CTDP1: variants seen among roughly 807,000 people sequenced by gnomAD.
CTDP1 encodes CTD phosphatase 1.
A neutral mutation model predicts 91.8 loss-of-function variants in CTDP1; 47 were observed. The ratio of observed to expected loss-of-function variants is 0.51; its 90% CI spans 0.41 to 0.65. CTDP1 has a LOEUF of 0.65. Ranked by LOEUF, CTDP1 falls within the 30% of genes least tolerant of loss-of-function variation. CTDP1 has a pLI of 0.00. For missense variants in CTDP1, 1,272 were observed against 1,373.7 expected (o/e 0.93, Z 1.17); for synonymous variants, 656 against 598.5 (o/e 1.10, Z -1.40).
At chr18:79,746,366 A>ACCCTGCGTCCCTCCTG (rs1568220058) in intron 12 of CTDP1, among the ~76,000 whole-genome samples, 1 of 101,890 alleles carries the variant, frequency 9.8e-6, no homozygotes, top group East Asian at 3.0e-4. Flanking sequence ...CGTCCCTCCC[A>ACCCTGCGTCCCTCCTG]TGCGCGTTCT....
intron 6 of CTDP1, among the ~76,000 whole-genome samples, chr18:79,711,747 C>T (rs959067332): frequency 1.3e-5 from 2 of 152,256 alleles, no homozygotes; most frequent in Non-Finnish European, 2.9e-5. Flanking sequence ...AGCTCCAGAG[C>T]CCCTTCCTGT....
chr18:79,725,895 C>T (rs1409256807), intron 10 of CTDP1, among the ~76,000 whole-genome samples: 7 of 152,176 alleles, frequency 4.6e-5, no homozygotes, highest in South Asian at 2.1e-4. Flanking sequence ...TGTCTTTGAC[C>T]GTTTTTCCTG....
At position 79,729,515 on chromosome 18, in the gene CTDP1, G is replaced by A. The variant is rs116731629; in HGVS notation, c.2580+446G>A. 4.3e-3 allele frequency among the ~76,000 whole-genome samples: 655 copies of A among 152,316 alleles called. 3 individuals carry two copies. The highest frequency in any genetic ancestry group is 0.014 in the African/African-American group (589 of 41,564). ...GCTGGAGGGCTGTGTGTTGCACGTG[G>A]GCCTTAAACACACGCACACAGAGTG... is the stretch of plus-strand genomic sequence containing the variant. On this transcript the variant is annotated intron_variant, in intron 11 of 12. Coordinates refer to ENST00000613122, the MANE Select transcript of CTDP1 (RefSeq NM_004715.5).
In CTDP1 at chr18:79,680,235, G is replaced by A. The variant is rs1466732533; in HGVS notation, c.288G>A (p.Ala96=). 7.6e-7 allele frequency: 1 copy of A among 1,316,072 alleles called. No homozygotes were observed. Among genetic ancestry groups the A allele is most frequent in the Non-Finnish European group, 9.6e-7 (1 of 1,037,812 alleles). The allele number at this position is 1,316,072 out of a possible 1,614,324, so 81.5% of individuals were successfully genotyped here. ...CGGGCGTGGTGCGGGAGCTGTGCGC[G>A]CAGCCGGGCCAGGTGGTCGCCCCAG... The part of the protein sequence containing the change: ...ERAGVVRELC[A]QPGQVVAPGA... Residue 96 remains alanine (A), a synonymous_variant, in exon 1 of 13, where the codon GCG becomes GCA. Coordinates refer to ENST00000613122, the MANE Select transcript of CTDP1 (RefSeq NM_004715.5).
At chr18:79,755,031 G>A (rs58190761), downstream of CTDP1, 13,212 of 152,348 alleles carry the variant, frequency 0.087, 926 homozygotes, top group African/African-American at 0.19. Context: ...TGGCTCTCGC[G>A]GGACCTCCAG....
intron 10 of CTDP1, among the ~76,000 whole-genome samples, chr18:79,722,700 CT>C (rs112168909): frequency 0.028 from 4,314 of 152,254 alleles, 208 homozygotes; most frequent in African/African-American, 0.098. Flanking sequence ...CTGGGTTCTG[CT>C]TTTTGATAGT....
intron 5 of CTDP1, among the ~76,000 whole-genome samples, chr18:79,706,247 G>T (rs1404434910): frequency 2.0e-5 from 3 of 152,216 alleles, no homozygotes; most frequent in Non-Finnish European, 2.9e-5. Flanking sequence ...AGGAAGGGAC[G>T]TGTGTTCCTG....
At position 79,702,396 on chromosome 18, in the gene CTDP1, C is replaced by T. The variant is rs72618579; in HGVS notation, c.622-2371C>T. Among the ~76,000 whole-genome samples the T allele has an allele frequency of 9.3e-3, 1,408 of 152,082 alleles. 41 individuals carry two copies. The highest frequency in any genetic ancestry group is 0.091 in the East Asian group (471 of 5,164). The stretch of plus-strand genomic sequence containing the variant: ...TTTTTTATTTTTTAATTTTTTGAGA[C>T]GGAGTCTTGCTGGGTTGCCCAGGCT... On this transcript the variant is annotated intron_variant, in intron 4 of 12. Coordinates refer to ENST00000613122, the MANE Select transcript of CTDP1 (RefSeq NM_004715.5).
rs1189836190 is a variant in CTDP1, at chr18:79,713,227, A to G, written c.1030+89A>G. The G allele has an allele frequency of 5.3e-6, 7 of 1,311,530 alleles. No homozygotes were observed. The highest frequency in any genetic ancestry group is 4.3e-6 in the Non-Finnish European group (4 of 929,964). 81.2% of individuals were successfully genotyped at this position (1,311,530 alleles called of 1,614,324 possible). On this transcript the variant is annotated intron_variant, in intron 7 of 12. Coordinates refer to ENST00000613122, the MANE Select transcript of CTDP1 (RefSeq NM_004715.5). This position sits in a 1 kb window ranked among gnomAD's most constrained non-coding sequence, Gnocchi z 4.7. Reference sequence around the variant, plus strand: ...ATTTCTTATCTCTGTTTTGACTGCTATAAATTCAAGATACACTTTTTTTAT... The same window carrying G: ...ATTTCTTATCTCTGTTTTGACTGCTGTAAATTCAAGATACACTTTTTTTAT...
intron 12 of CTDP1, among the ~76,000 whole-genome samples, chr18:79,745,318 T>TGCGTCCCTCCCGTGCGGGTTCTGTCCC: frequency 1.8e-5 from 1 of 56,346 alleles, no homozygotes; most frequent in South Asian, 7.5e-4. Context: ...GTTCTGTCCC[T>TGCGTCCCTCCCGTGCGGGTTCTGTCCC]GCGTCCCTCC....
intron 1 of CTDP1, among the ~76,000 whole-genome samples, chr18:79,689,388 T>C (rs2085573341): frequency 6.6e-6 from 1 of 152,224 alleles, no homozygotes; most frequent in South Asian, 2.1e-4. Context: ...TGGGTATCTG[T>C]CAGTGATTCC....
chr18:79,744,101 C>T (rs1386033622), intron 12 of CTDP1, among the ~76,000 whole-genome samples: 1 of 152,230 alleles, frequency 6.6e-6, no homozygotes, highest in African/African-American at 2.4e-5. Flanking sequence ...AGGATGCAGC[C>T]ATTTGTCTCT....
At chr18:79,709,205 C>A (rs991472101) in intron 5 of CTDP1, among the ~76,000 whole-genome samples, 1 of 152,142 alleles carries the variant, frequency 6.6e-6, no homozygotes, top group African/African-American at 2.4e-5. Context: ...GTTTAGTACC[C>A]CTACTTCTAC....
chr18:79,714,720 A>G lies in CTDP1; in HGVS notation c.1260A>G (p.Ala420=). Residue 420 remains alanine (A), a synonymous_variant, in exon 8 of 13, where the codon GCA becomes GCG. Transcript: ENST00000613122. The part of the protein sequence containing the change: ...AQAPTSSQEL[A]GAPEPQGSCA... ...CCCCCACCAGCAGCCAAGAGCTGGCAGGCGCTCCTGAGCCCCAGGGATCCT... is the reference window on the plus strand; with the variant it reads ...CCCCCACCAGCAGCCAAGAGCTGGCGGGCGCTCCTGAGCCCCAGGGATCCT... 6.2e-7 allele frequency: 1 copy of G among 1,605,016 alleles called. No homozygotes were observed. The highest frequency in any genetic ancestry group is 8.5e-7 in the Non-Finnish European group (1 of 1,176,446).
intron 10 of CTDP1, among the ~76,000 whole-genome samples, chr18:79,720,586 C>T (rs1047176461): frequency 6.6e-6 from 1 of 152,144 alleles, no homozygotes; most frequent in Non-Finnish European, 1.5e-5. Context: ...GGTGATGTCA[C>T]TTCCCATCGT....
chr18:79,680,969 T>A (rs1012862245), intron 1 of CTDP1: 1 of 152,330 alleles, frequency 6.6e-6, no homozygotes, highest in African/African-American at 2.4e-5. Context: ...CGTGTGCGCC[T>A]GGCTCTGGTA....
At chr18:79,688,225 T>C (rs547123365) in intron 1 of CTDP1, among the ~76,000 whole-genome samples, 1 of 152,362 alleles carries the variant, frequency 6.6e-6, no homozygotes, top group African/African-American at 2.4e-5. Context: ...CCCCTGTGGC[T>C]GCACAGGAGA....
intron 11 of CTDP1, among the ~76,000 whole-genome samples, chr18:79,735,352 G>A (rs1234801803): frequency 6.6e-6 from 1 of 152,230 alleles, no homozygotes; most frequent in Non-Finnish European, 1.5e-5. Context: ...TCACCTGCCT[G>A]TCTCAGGGAC....
Position 79,715,136 on chromosome 18 carries a change from A to G in CTDP1, c.1676A>G (p.Gln559Arg). ...AGGAAGGAGGCGGAGACCGAGTCAC[A>G]GAACAGCGAGCTGTCGGGGGTCACT... ...ADRKEAETES[Q>R]NSELSGVTAG... The change falls in exon 8 of 13, where the codon CAG becomes CGG. Residue 559 changes from glutamine to arginine, a missense_variant. Physicochemically the swap from Gln to Arg is conservative, Grantham distance 43. Transcript: ENST00000613122. 1 of 1,613,594 alleles carries G rather than the reference A, an allele frequency of 6.2e-7. No homozygotes were observed. The highest frequency in any genetic ancestry group is 8.5e-7 in the Non-Finnish European group (1 of 1,179,964).
Sources: gnomAD v4.1 joint callset for allele counts (sites outside exome capture counted in the v4.1 genomes callset) on GRCh38, gnomAD v4.1.1 for gene constraint, Gnocchi (gnomAD v3.1) non-coding constraint, MANE v1.5 for transcripts, NCBI Gene and HGNC (gene_info 2026-07-23, HGNC 2026-07-21) for gene names.